OTOGL: variants seen among roughly 807,000 people sequenced by gnomAD.
The protein encoded by OTOGL is otogelin-like protein.
OTOGL carries 285 observed loss-of-function variants against 318.5 expected under a neutral mutation model. The ratio of observed to expected loss-of-function variants is 0.89; its 90% CI spans 0.81 to 0.99. The LOEUF is 0.99. Among genes scored for constraint, OTOGL ranks in the 50% least tolerant of loss-of-function variants. The pLI is 0.00. For synonymous variants in OTOGL, 987 were observed against 936.5 expected (o/e 1.05, Z -0.99); for missense variants, 2,899 against 2,845.6 (o/e 1.02, Z -0.43).
At position 80,353,524 on chromosome 12, in the gene OTOGL, T is replaced by C. The variant is rs1384819495; in HGVS notation, c.5593+14T>C. ...AGAAAGAGTGTGGTAAGACACAAAG[T>C]ACAAAATGACTTCTCAGGAATCCGG... On this transcript the variant is annotated intron_variant, in intron 46 of 58. Coordinates refer to ENST00000547103, the MANE Select transcript of OTOGL (RefSeq NM_001378609.3). 1.3e-6 allele frequency: 2 copies of C among 1,490,558 alleles called. No individual in the cohort carries two copies. Among genetic ancestry groups the C allele is most frequent in the East Asian group, 2.4e-5 (1 of 41,768 alleles). 92.3% of individuals were successfully genotyped at this position (1,490,558 alleles called of 1,614,324 possible). A position where few individuals can be genotyped will look rare whatever the true frequency, so the allele number is the denominator to read the frequency against.
intron 36 of OTOGL, 136 bp downstream of exon 36, chr12:80,328,880 T>C: frequency 9.6e-7 from 1 of 1,039,124 alleles, no homozygotes; most frequent in Non-Finnish European, 1.4e-6. Flanking sequence ...GTCTCTTACA[T>C]AGCTTTTTTT....
At chr12:80,159,630 G>A (rs1296297644) in intron 1 of OTOGL, among the ~76,000 whole-genome samples, 3 of 152,052 alleles carry the variant, frequency 2.0e-5, no homozygotes, top group African/African-American at 7.2e-5. Context: ...CACATTCCAT[G>A]CTCCTGGATG....
At chr12:80,139,166 C>G (rs1178363289) in intron 1 of OTOGL, among the ~76,000 whole-genome samples, 4 of 152,130 alleles carry the variant, frequency 2.6e-5, no homozygotes, top group African/African-American at 7.2e-5. Context: ...TAAAGGCTGA[C>G]CTTGGAGATG....
At chr12:80,252,457 G>A (rs982909485) in intron 13 of OTOGL, among the ~76,000 whole-genome samples, 4 of 152,036 alleles carry the variant, frequency 2.6e-5, no homozygotes, top group Admixed American at 6.6e-5. Context: ...TCTTTTGTTC[G>A]ATCAATATTT....
intron 26 of OTOGL, among the ~76,000 whole-genome samples, chr12:80,290,203 A>G (rs11836679): frequency 0.032 from 4,922 of 151,448 alleles, 264 homozygotes; most frequent in African/African-American, 0.11. Flanking sequence ...GCTTCTGCTC[A>G]CCCTCCTTGG....
Position 80,320,471 on chromosome 12 carries a change from C to G in OTOGL, c.3852C>G (p.Leu1284=), listed in dbSNP as rs1368332173. ...CTGCTGAAAGGCCAAACTACTTTCT[C>G]TATGTCCATGACAATGATACTCTTA... ...LESAERPNYF[L]YVHDNDTLSL... Residue 1284 remains leucine, a synonymous_variant, in exon 34 of 59, where the codon CTC becomes CTG. Coordinates refer to ENST00000547103, the MANE Select transcript of OTOGL (RefSeq NM_001378609.3). 1.2e-6 allele frequency: 2 copies of G among 1,613,512 alleles called. No homozygotes were observed. Among genetic ancestry groups the G allele is most frequent in the South Asian group, 1.1e-5 (1 of 91,070 alleles).
chr12:80,268,830 T>A (rs1592635030), intron 22 of OTOGL, among the ~76,000 whole-genome samples: 1 of 152,054 alleles, frequency 6.6e-6, no homozygotes, highest in East Asian at 1.9e-4. Flanking sequence ...GCCTCTAGTT[T>A]TTCCCCTCTT....
Position 80,254,530 on chromosome 12 carries a change from TG to T in OTOGL, c.1402del (p.Val468LeufsTer19). 6.2e-7 allele frequency: 1 copy of T among 1,607,136 alleles called. No individual in the cohort carries two copies. The highest frequency in any genetic ancestry group is 1.1e-5 in the South Asian group (1 of 90,350). ...IEQECTECVC[V>X]GGVWNCTEQD... is the part of the protein sequence containing the mutation. The stretch of plus-strand genomic sequence containing the variant: ...TTTTTATAATTTCTTTTAGTGTGTG[TG>T]TTGGTGGAGTTTGGAACTGCACTGA... On this transcript the variant is annotated frameshift_variant, in exon 15 of 59. Coordinates refer to ENST00000547103, the MANE Select transcript of OTOGL (RefSeq NM_001378609.3). LOFTEE classifies it high-confidence loss of function.
chr12:80,150,557 A>G (rs1042668035), intron 1 of OTOGL, among the ~76,000 whole-genome samples: 1 of 152,020 alleles, frequency 6.6e-6, no homozygotes, highest in African/African-American at 2.4e-5. Flanking sequence ...ACAAATCTAC[A>G]ATTACTGGAG....
rs773004144 is a variant in OTOGL, at chr12:80,265,152, C to T, written c.2166C>T (p.Ala722=). The change falls in exon 20 of 59, where the codon GCC becomes GCT. Residue 722 remains alanine, a synonymous_variant. Coordinates refer to ENST00000547103, the MANE Select transcript of OTOGL (RefSeq NM_001378609.3). ...SCLCNALAHY[A]YLCGQHGVPI... ...TGTGCAATGCTCTTGCCCACTATGC[C>T]TACCTCTGCGGCCAGCACGGTGTTC... The T allele has an allele frequency of 1.2e-6, 2 of 1,613,870 alleles. No individual in the cohort carries two copies. Among genetic ancestry groups the T allele is most frequent in the African/African-American group, 2.7e-5 (2 of 75,058 alleles).
intron 1 of OTOGL, among the ~76,000 whole-genome samples, chr12:80,139,194 G>A (rs989505467): frequency 6.6e-6 from 1 of 152,144 alleles, no homozygotes; most frequent in Non-Finnish European, 1.5e-5. Context: ...CTTGATCATG[G>A]CGGGTGAAGC....
Position 80,368,398 on chromosome 12 carries a change from A to T in OTOGL, c.6615+89A>T, listed in dbSNP as rs368205913. The T allele has an allele frequency of 1.3e-5, 10 of 777,592 alleles. No homozygotes were observed. In the South Asian group the frequency reaches 1.5e-4, roughly 12 times the overall value. The allele number at this position is 777,592 out of a possible 1,614,324, so 48.2% of individuals were successfully genotyped here. ...TTGGAAAATGTCCCCCCCCACACAC[A>T]CTGCACTGCATACAATAAACACAGT... On this transcript the variant is annotated intron_variant, in intron 55 of 58. Transcript: ENST00000547103.
intron 37 of OTOGL, among the ~76,000 whole-genome samples, chr12:80,330,134 C>T (rs755583306): frequency 1.1e-4 from 17 of 151,940 alleles, no homozygotes; most frequent in Non-Finnish European, 1.5e-4. Flanking sequence ...GGAATTGTGC[C>T]GAAAGGTGGA....
chr12:80,338,972 A>G, intron 42 of OTOGL, 103 bp from the exon 43 acceptor site: 1 of 990,520 alleles, frequency 1.0e-6, no homozygotes, highest in South Asian at 2.1e-5. Context: ...TAAAAAAATT[A>G]AAAAATAGTT....
At chr12:80,146,135 C>T (rs951948755) in intron 1 of OTOGL, among the ~76,000 whole-genome samples, 6 of 149,678 alleles carry the variant, frequency 4.0e-5, no homozygotes, top group Non-Finnish European at 8.8e-5. Context: ...TGTCTTGTGC[C>T]AGTTTTCAAA....
At chr12:80,218,470 A>G (rs1877954755) in intron 5 of OTOGL, among the ~76,000 whole-genome samples, 1 of 152,188 alleles carries the variant, frequency 6.6e-6, no homozygotes, top group Admixed American at 6.5e-5. Context: ...TTATATAACT[A>G]TCTTCTGGGA....
intron 29 of OTOGL, among the ~76,000 whole-genome samples, chr12:80,309,567 A>G (rs939991247): frequency 6.6e-6 from 1 of 152,252 alleles, no homozygotes; most frequent in African/African-American, 2.4e-5. Context: ...TCTGCAAGAT[A>G]CAAGGGCCAA....
chr12:80,246,125 TC>T lies in OTOGL; in HGVS notation c.1053-5566del, dbSNP rs536205851. Among the ~76,000 whole-genome samples, 44 of 151,828 alleles carry T rather than the reference TC, an allele frequency of 2.9e-4. No individual in the cohort carries two copies. The South Asian group carries it at 5.0e-3, about 17-fold the overall frequency. ...ATCTGCAAACAGGGACAATTTTACTTCCTCTTTTCCTAATTGAATACCCTTT... is the reference window on the plus strand; with the variant it reads ...ATCTGCAAACAGGGACAATTTTACTTCTCTTTTCCTAATTGAATACCCTTT... On this transcript the variant is annotated intron_variant, in intron 11 of 58. Transcript: ENST00000547103.
chr12:80,153,584 A>G (rs934857574), intron 1 of OTOGL, among the ~76,000 whole-genome samples: 5 of 152,220 alleles, frequency 3.3e-5, no homozygotes, highest in South Asian at 2.1e-4. Context: ...TTTACATTAG[A>G]GTTCATTCTT....
Sources: allele counts gnomAD v4.1 joint callset (sites outside exome capture counted in the v4.1 genomes callset), GRCh38; gene constraint gnomAD v4.1.1; transcripts MANE v1.5; gene names NCBI Gene and HGNC (gene_info 2026-07-23, HGNC 2026-07-21).